Variants in LRBA observed in about 807,000 individuals in gnomAD.
LRBA encodes lipopolysaccharide-responsive and beige-like anchor protein.
Under a neutral mutation model 330.0 loss-of-function variants are expected in LRBA, and 176 were observed. That is an observed-to-expected ratio of 0.53 (90% CI 0.47 to 0.60). LRBA has a LOEUF of 0.60. Among genes scored for constraint, LRBA ranks in the 20% least tolerant of loss-of-function variants. The pLI is 0.00. For synonymous variants in LRBA, 1,230 were observed against 1,193.0 expected, an observed-to-expected ratio of 1.03 and a Z score of -0.64; for missense variants, 3,259 against 3,444.8, an observed-to-expected ratio of 0.95 and a Z score of 1.35.
At chr4:150,832,344 C>T (rs554946287) in intron 28 of LRBA, among the ~76,000 whole-genome samples, 2 of 152,232 alleles carry the variant, frequency 1.3e-5, no homozygotes, top group South Asian at 2.1e-4. Flanking sequence ...CACCTGTAAT[C>T]CCAGTACTTT....
chr4:150,474,355 T>C (rs1008491985), intron 42 of LRBA, among the ~76,000 whole-genome samples: 20 of 152,314 alleles, frequency 1.3e-4, no homozygotes, highest in East Asian at 1.2e-3. Flanking sequence ...ATTACCACAA[T>C]TGAAGACTGA....
chr4:150,489,151 C>CTATATAATATATAATATATG (rs1561249579), intron 41 of LRBA, among the ~76,000 whole-genome samples: 1 of 23,238 alleles, frequency 4.3e-5, no homozygotes, highest in Non-Finnish European at 1.1e-4. Context: ...TATAATATAT[C>CTATATAATATATAATATATG]AGAATATATA....
intron 24 of LRBA, among the ~76,000 whole-genome samples, chr4:150,850,044 GA>G (rs1335045566): frequency 1.3e-5 from 2 of 151,278 alleles, no homozygotes; most frequent in African/African-American, 2.4e-5. Context: ...GAAGTACACA[GA>G]TTTTTTTTAA....
intron 37 of LRBA, among the ~76,000 whole-genome samples, chr4:150,636,259 T>C (rs770653763): frequency 6.6e-6 from 1 of 151,916 alleles, no homozygotes; most frequent in Non-Finnish European, 1.5e-5. Flanking sequence ...TTTTCTGATC[T>C]TCATCAAACT....
chr4:150,393,643 C>T (rs149157295), intron 47 of LRBA, among the ~76,000 whole-genome samples: 1 of 152,258 alleles, frequency 6.6e-6, no homozygotes, highest in African/African-American at 2.4e-5. Context: ...CATCACTACA[C>T]TTGGCTAATT....
chr4:150,832,216 G>C (rs191945721), intron 28 of LRBA, among the ~76,000 whole-genome samples: 1 of 151,890 alleles, frequency 6.6e-6, no homozygotes, highest in Non-Finnish European at 1.5e-5. Context: ...AAAGAGAGAA[G>C]TTAGCTCATT....
rs147913181 is a variant in LRBA at position 150,711,678 on chromosome 4, C to G, written c.5754+23580G>C. Among the ~76,000 whole-genome samples, 1,095 of 152,226 alleles carry G rather than the reference C, an allele frequency of 7.2e-3. 9 individuals are homozygous for G. Among genetic ancestry groups the G allele is most frequent in the Middle Eastern group, 0.017 (5 of 294 alleles). ...AGAATATGTAAGAAACCATCAATAA[C>G]TATAAATAACTATTAAAAAACCCAT... On this transcript the variant is annotated intron_variant, in intron 36 of 56. Transcript: ENST00000651943.
intron 22 of LRBA, 101 bp downstream of exon 22, chr4:150,867,570 C>A: frequency 1.2e-6 from 1 of 855,802 alleles, no homozygotes; most frequent in African/African-American, 1.8e-5. Context: ...GATAACTTGC[C>A]TTTTTTCCTT....
intron 36 of LRBA, among the ~76,000 whole-genome samples, chr4:150,703,531 A>T (rs1358035935): frequency 6.6e-6 from 1 of 152,214 alleles, no homozygotes; most frequent in Non-Finnish European, 1.5e-5. Context: ...AGAAGTCAAT[A>T]TGTAATATTT....
chr4:150,527,026 T>TA (rs1420677724), intron 40 of LRBA, among the ~76,000 whole-genome samples: 3 of 151,534 alleles, frequency 2.0e-5, no homozygotes, highest in Non-Finnish European at 4.4e-5. Flanking sequence ...TTTTTTTTTT[T>TA]AAAGAAACTG....
At chr4:150,518,615 C>G (rs1402553800) in intron 40 of LRBA, among the ~76,000 whole-genome samples, 2 of 152,148 alleles carry the variant, frequency 1.3e-5, no homozygotes, top group East Asian at 3.9e-4. Context: ...AACCAGCCTC[C>G]CTTCCTTCTC....
chr4:150,961,684 C>T (rs988089627), intron 2 of LRBA, among the ~76,000 whole-genome samples: 1 of 147,452 alleles, frequency 6.8e-6, no homozygotes, highest in African/African-American at 2.7e-5. Context: ...AGAAGTGCAA[C>T]AATGGGAAGC....
intron 17 of LRBA, among the ~76,000 whole-genome samples, chr4:150,889,324 T>C (rs1275665827): frequency 6.6e-6 from 1 of 151,220 alleles, no homozygotes; most frequent in Non-Finnish European, 1.5e-5. Context: ...CTGGCATAAA[T>C]GGCTTAAATG....
chr4:150,841,877 C>A (rs961327205), intron 28 of LRBA, among the ~76,000 whole-genome samples: 9 of 151,906 alleles, frequency 5.9e-5, no homozygotes, highest in Non-Finnish European at 1.2e-4. Flanking sequence ...AGGATGGTCT[C>A]CATCTCCTGG....
intron 37 of LRBA, among the ~76,000 whole-genome samples, chr4:150,621,918 T>C (rs947727316): frequency 6.6e-6 from 1 of 152,214 alleles, no homozygotes; most frequent in Non-Finnish European, 1.5e-5. Context: ...CTAGCATAGA[T>C]AAACTTCCCT....
chr4:150,422,558 C>A (rs996907508), intron 46 of LRBA: 6 of 502,548 alleles, frequency 1.2e-5, no homozygotes, highest in African/African-American at 1.2e-4. Flanking sequence ...TCCTCTGCAC[C>A]CCGTCCCTGA....
In LRBA at chr4:150,852,576, G is replaced by A. The variant is rs779195284; in HGVS notation, c.3134C>T (p.Ala1045Val). 13 of 1,613,924 alleles carry A rather than the reference G, an allele frequency of 8.1e-6. No individual in the cohort carries two copies. In the South Asian group the frequency reaches 1.4e-4, roughly 18 times the overall value. Residue 1045 changes from alanine (A) to valine (V), a missense_variant, in exon 23 of 57, where the codon GCA becomes GTA. Transcript: ENST00000651943. ...EETLTNETRN[A>V]DDLEVSSDII... ...GTCAGAAGATACTTCTAAATCATCT[G>A]CATTCCTTGTCTCATTTGTCAGTGT...
intron 37 of LRBA, among the ~76,000 whole-genome samples, chr4:150,639,520 A>C (rs772223407): frequency 3.5e-4 from 51 of 147,396 alleles, no homozygotes; most frequent in Non-Finnish European, 5.5e-4. Flanking sequence ...GAATAATAGA[A>C]ATCTGCAAGG....
chr4:150,664,944 C>T (rs1246919745), intron 37 of LRBA, among the ~76,000 whole-genome samples: 2 of 152,020 alleles, frequency 1.3e-5, no homozygotes, highest in Non-Finnish European at 2.9e-5. Flanking sequence ...TATGTCAGGA[C>T]CCCTAAGATA....
Sources: gnomAD v4.1 joint callset for allele counts (sites outside exome capture counted in the v4.1 genomes callset) on GRCh38, gnomAD v4.1.1 for gene constraint, MANE v1.5 for transcripts, NCBI Gene and HGNC (gene_info 2026-07-23, HGNC 2026-07-21) for gene names.